EPB41L4B: variants seen among roughly 807,000 people sequenced by gnomAD.
EPB41L4B encodes erythrocyte membrane protein band 4.1 like 4B.
Under a neutral mutation model 112.5 loss-of-function variants are expected in EPB41L4B, and 30 were observed. The observed-to-expected ratio is 0.27, with a 90% confidence interval of 0.20 to 0.36. EPB41L4B has a LOEUF of 0.36. Among genes scored for constraint, EPB41L4B ranks in the 10% least tolerant of loss-of-function variants. The probability of loss-of-function intolerance (pLI) is 1.00; values close to 1 mark genes in which losing one functional copy is unlikely to be tolerated. For synonymous variants in EPB41L4B, 408 were observed against 439.7 expected, an observed-to-expected ratio of 0.93 and a Z score of 0.90; for missense variants, 1,024 against 1,133.3, an observed-to-expected ratio of 0.90 and a Z score of 1.38.
intron 1 of EPB41L4B, among the ~76,000 whole-genome samples, chr9:109,282,483 A>G (rs10979798): frequency 0.71 from 107,398 of 152,036 alleles, 38,229 homozygotes; most frequent in Middle Eastern, 0.87. Context: ...ATGAAGAAAT[A>G]ACAGAACTGC....
chr9:109,189,929 TTTTTCTTTTC>T lies in EPB41L4B; in HGVS notation c.2301+2339_2301+2348del, dbSNP rs371898674. Among the ~76,000 whole-genome samples, 71 of 150,482 alleles carry T rather than the reference TTTTTCTTTTC, an allele frequency of 4.7e-4. No individual in the cohort carries two copies. The South Asian group carries it at 0.011, about 23-fold the overall frequency. On this transcript the variant is annotated intron_variant, in intron 22 of 25. Transcript: ENST00000374566. ...CAGGAATAATACCACCATGCCCAGC[TTTTTCTTTTC>T]TTTTCTTTTCTTTTGAGATGGACTC...
At chr9:109,228,665 T>C (rs974570884) in intron 15 of EPB41L4B, among the ~76,000 whole-genome samples, 2 of 152,236 alleles carry the variant, frequency 1.3e-5, no homozygotes, top group Non-Finnish European at 2.9e-5. Flanking sequence ...GTCAGGTAGC[T>C]CTGTTTCTGC....
At position 109,239,547 on chromosome 9, in the gene EPB41L4B, ACAC is replaced by A. The variant is rs377320601; in HGVS notation, c.1409+4068_1409+4070del. ...TGAGCAGAAGAAAGACCTTTAGAAAACACCAACAGGTAATAGGATGGCAGAAAA... is the reference window on the plus strand; with the variant it reads ...TGAGCAGAAGAAAGACCTTTAGAAAACAACAGGTAATAGGATGGCAGAAAA... On this transcript the variant is annotated intron_variant, in intron 15 of 25. Coordinates refer to ENST00000374566, the MANE Select transcript of EPB41L4B (RefSeq NM_019114.5). 5.4e-3 allele frequency among the ~76,000 whole-genome samples: 826 copies of A among 152,274 alleles called. 5 individuals carry two copies. Among genetic ancestry groups the A allele is most frequent in the Admixed American group, 0.013 (193 of 15,296 alleles).
chr9:109,246,279 A>G (rs963976646), intron 14 of EPB41L4B, among the ~76,000 whole-genome samples: 1 of 151,990 alleles, frequency 6.6e-6, no homozygotes, highest in Admixed American at 6.6e-5. Flanking sequence ...GCATACACCT[A>G]TAACCCCAGA....
In EPB41L4B at chr9:109,244,450, TTTTTTTTTTTTTTTTTAC is replaced by T. The variant is rs955140397; in HGVS notation, c.1345-786_1345-769del. ...GAAGGTTGTCTTTTTTTTTTTTTTT[TTTTTTTTTTTTTTTTTAC>T]AGAGTCTCACTCTGTCACCCAGGCT... On this transcript the variant is annotated intron_variant, in intron 14 of 25. Transcript: ENST00000374566. Among the ~76,000 whole-genome samples, 149 of 133,552 alleles carry T rather than the reference TTTTTTTTTTTTTTTTTAC, an allele frequency of 1.1e-3. 2 individuals carry two copies. Among genetic ancestry groups the T allele is most frequent in the Non-Finnish European group, 9.5e-4 (59 of 62,206 alleles). 87.6% of individuals were successfully genotyped at this position (133,552 alleles called of 152,430 possible).
At chr9:109,202,549 T>C (rs1460061554) in intron 19 of EPB41L4B, among the ~76,000 whole-genome samples, 1 of 152,108 alleles carries the variant, frequency 6.6e-6, no homozygotes, top group Admixed American at 6.5e-5. Context: ...TTTGGGAAAC[T>C]ACCCTAAGGA....
At chr9:109,237,400 C>T (rs993867732) in intron 15 of EPB41L4B, among the ~76,000 whole-genome samples, 3 of 152,154 alleles carry the variant, frequency 2.0e-5, no homozygotes, top group Non-Finnish European at 2.9e-5. Flanking sequence ...AGATGATAAA[C>T]CAGTACATAC....
intron 6 of EPB41L4B, among the ~76,000 whole-genome samples, chr9:109,259,526 T>C (rs1373575857): frequency 2.0e-5 from 3 of 152,306 alleles, no homozygotes; most frequent in African/African-American, 7.2e-5. Flanking sequence ...GCCTCAGCTC[T>C]AGGAGGCCGT....
chr9:109,287,281 C>T (rs1038131158), intron 1 of EPB41L4B, among the ~76,000 whole-genome samples: 7 of 152,102 alleles, frequency 4.6e-5, no homozygotes, highest in African/African-American at 1.4e-4. Context: ...TAACTGCCCC[C>T]CAAAATAAAT....
At chr9:109,226,699 T>G (rs1373832239) in intron 15 of EPB41L4B, among the ~76,000 whole-genome samples, 1 of 101,922 alleles carries the variant, frequency 9.8e-6, no homozygotes, top group Non-Finnish European at 2.1e-5. Flanking sequence ...TATATATGAA[T>G]ATATATATGA....
Position 109,216,990 on chromosome 9 carries a change from A to G in EPB41L4B, c.1565T>C (p.Leu522Pro). The G allele has an allele frequency of 1.2e-6, 2 of 1,614,078 alleles. No homozygotes were observed. Among genetic ancestry groups the G allele is most frequent in the Non-Finnish European group, 1.7e-6 (2 of 1,180,006 alleles). The stretch of plus-strand genomic sequence containing the variant: ...CTCTTTGTTCTCCAGGGTCAGTGAG[A>G]GGCTGTAGTTTGAGTGGTGCTGGTG... ...HQHQHHSNYSLSLTLENKEGP... is the reference protein window; with the variant it reads ...HQHQHHSNYSPSLTLENKEGP... Residue 522 changes from leucine to proline, a missense_variant, in exon 16 of 26, where the codon CTC becomes CCC. By Grantham distance (98) the Leu-to-Pro change is moderately conservative (BLOSUM62 -3). Transcript: ENST00000374566.
At chr9:109,303,350 G>A (rs1051666615) in intron 1 of EPB41L4B, among the ~76,000 whole-genome samples, 1 of 151,620 alleles carries the variant, frequency 6.6e-6, no homozygotes, top group East Asian at 1.9e-4. Flanking sequence ...GGTTTCTTTT[G>A]GGGGGCGGGT....
intron 24 of EPB41L4B, 91 bp downstream of exon 24, chr9:109,182,638 C>A: frequency 1.1e-6 from 1 of 898,622 alleles, no homozygotes; most frequent in Non-Finnish European, 1.8e-6. Flanking sequence ...TCAAAAGAAG[C>A]GGTTGACCTT....
intron 1 of EPB41L4B, among the ~76,000 whole-genome samples, chr9:109,310,341 A>AGGAG (rs904338389): frequency 2.8e-5 from 4 of 141,598 alleles, no homozygotes; most frequent in South Asian, 2.6e-4. Flanking sequence ...GACAAACTTC[A>AGGAG]GGAGGGAGGG....
At chr9:109,300,514 G>A (rs147389082) in intron 1 of EPB41L4B, 55 of 152,230 alleles carry the variant, frequency 3.6e-4, no homozygotes, top group African/African-American at 1.3e-3. Context: ...GGCCAGGCAT[G>A]GTGGCTCATG....
chr9:109,252,621 C>A (rs967580542), intron 12 of EPB41L4B, among the ~76,000 whole-genome samples: 9 of 152,152 alleles, frequency 5.9e-5, no homozygotes, highest in African/African-American at 2.2e-4. Flanking sequence ...CCCATGGAGG[C>A]CCACTAAGTC....
chr9:109,320,291 G>T lies in EPB41L4B; in HGVS notation c.156C>A (p.Ala52=), dbSNP rs1471282679. The change falls in exon 1 of 26, where the codon GCC becomes GCA. Residue 52 remains alanine (A), a synonymous_variant. Transcript: ENST00000374566. ...AAAASSSALP[A]APGGSVFPAG... is the part of the protein sequence containing the mutation. The stretch of plus-strand genomic sequence containing the variant: ...CCGGGAACACGCTGCCCCCGGGCGC[G>T]GCGGGCAGCGCCGAGGAGGAGGCGG... 1.8e-6 allele frequency: 2 copies of T among 1,096,468 alleles called. No homozygotes were observed. Among genetic ancestry groups the T allele is most frequent in the African/African-American group, 1.7e-5 (1 of 59,168 alleles). The allele number at this position is 1,096,468 out of a possible 1,614,324, so 67.9% of individuals were successfully genotyped here.
chr9:109,219,083 G>A (rs1243450518), intron 15 of EPB41L4B, among the ~76,000 whole-genome samples: 1 of 152,026 alleles, frequency 6.6e-6, no homozygotes, highest in East Asian at 1.9e-4. Context: ...GACAGTTCTT[G>A]AAACAGAATC....
chr9:109,267,976 AAAC>A (rs1458983375), intron 3 of EPB41L4B, among the ~76,000 whole-genome samples: 1 of 152,252 alleles, frequency 6.6e-6, no homozygotes, highest in African/African-American at 2.4e-5. Flanking sequence ...ACCCAAGCAT[AAAC>A]AACATTAAAA....
Sources: allele counts gnomAD v4.1 joint callset (sites outside exome capture counted in the v4.1 genomes callset), GRCh38; gene constraint gnomAD v4.1.1; transcripts MANE v1.5; gene names NCBI Gene and HGNC (gene_info 2026-07-23, HGNC 2026-07-21).